The following NRXN1 variants were observed in gnomAD, a reference collection of about 807,000 sequenced individuals.
NRXN1 encodes the protein neurexin 1, also known as neurexin-1.
NRXN1 carries 39 observed loss-of-function variants against 150.9 expected under a neutral mutation model. The ratio of observed to expected loss-of-function variants is 0.26; its 90% CI spans 0.20 to 0.34. The LOEUF is 0.34. NRXN1 is among the 10% of genes least tolerant of loss of function. The pLI, the probability that NRXN1 is intolerant of heterozygous loss-of-function variation, is 1.00. For synonymous variants in NRXN1, 924 were observed against 757.0 expected (o/e 1.22, Z -3.62); for missense variants, 1,815 against 1,949.9 (o/e 0.93, Z 1.30).
intron 12 of NRXN1, among the ~76,000 whole-genome samples, chr2:50,508,572 T>C (rs761200162): frequency 7.2e-5 from 11 of 152,160 alleles, no homozygotes; most frequent in Non-Finnish European, 1.5e-4. Flanking sequence ...GGAACTTTTT[T>C]TTTTTGTTAG....
intron 13 of NRXN1, among the ~76,000 whole-genome samples, chr2:50,504,167 G>A (rs2092104553): frequency 8.1e-6 from 1 of 124,062 alleles, no homozygotes; most frequent in South Asian, 2.4e-4. Context: ...AAAAATAGCT[G>A]GCCCTAGACT....
chr2:50,377,527 T>A (rs2080604790), intron 17 of NRXN1, among the ~76,000 whole-genome samples: 1 of 152,184 alleles, frequency 6.6e-6, no homozygotes, highest in African/African-American at 2.4e-5. Flanking sequence ...TGATTCCATG[T>A]CTTTTTTATT....
At chr2:50,015,038 G>T (rs546606929) in intron 21 of NRXN1, among the ~76,000 whole-genome samples, 1 of 152,152 alleles carries the variant, frequency 6.6e-6, no homozygotes, top group African/African-American at 2.4e-5. Flanking sequence ...AGATTTTGTT[G>T]TATCTAACCT....
chr2:50,243,458 C>T (rs187213714), intron 17 of NRXN1, among the ~76,000 whole-genome samples: 13 of 151,652 alleles, frequency 8.6e-5, no homozygotes, highest in Admixed American at 4.6e-4. Context: ...TTAAAAAATA[C>T]GTTGTTGACT....
At chr2:50,909,955 G>A (rs1202107968) in intron 5 of NRXN1, among the ~76,000 whole-genome samples, 1 of 151,152 alleles carries the variant, frequency 6.6e-6, no homozygotes, top group Non-Finnish European at 1.5e-5. Flanking sequence ...TTGTTACTTA[G>A]AGGCAAAAAT....
intron 15 of NRXN1, 118 bp from the exon 16 acceptor site, chr2:50,472,589 T>A: frequency 2.8e-6 from 2 of 721,260 alleles, no homozygotes; most frequent in African/African-American, 1.9e-5. Flanking sequence ...AAAATTAATT[T>A]ATGACTAGCT....
At chr2:50,565,642 G>GA (rs1558945510) in intron 8 of NRXN1, among the ~76,000 whole-genome samples, 1 of 152,020 alleles carries the variant, frequency 6.6e-6, no homozygotes, top group Non-Finnish European at 1.5e-5. Context: ...AAAAACAATG[G>GA]AAAATATTTT....
chr2:49,922,023 A>G lies in NRXN1; in HGVS notation c.4445T>C (p.Val1482Ala), dbSNP rs777685794. The G allele has an allele frequency of 5.0e-6, 8 of 1,613,966 alleles. No individual in the cohort carries two copies. The highest frequency in any genetic ancestry group is 2.2e-5 in the South Asian group (2 of 91,086). Reference protein sequence around the residue: ...ISNSAQSNGAVVKEKQPSSAK... With the variant: ...ISNSAQSNGAAVKEKQPSSAK... ...ACTGCTGGGTTGTTTCTCCTTTACAACAGCCCCATTGGACTGTGCTGAGTT... is the reference window on the plus strand; with the variant it reads ...ACTGCTGGGTTGTTTCTCCTTTACAGCAGCCCCATTGGACTGTGCTGAGTT... Residue 1482 changes from valine to alanine, a missense_variant, in exon 23 of 23, where the codon GTT becomes GCT. By Grantham distance (64) the Val-to-Ala change is moderately conservative (BLOSUM62 0). Coordinates refer to ENST00000401669, the MANE Select transcript of NRXN1 (RefSeq NM_001330078.2).
chr2:50,808,491 C>G (rs1667804807), intron 5 of NRXN1, among the ~76,000 whole-genome samples: 1 of 151,636 alleles, frequency 6.6e-6, no homozygotes, highest in Non-Finnish European at 1.5e-5. Flanking sequence ...AAAAGAGAAA[C>G]TAACATAAGT....
chr2:50,729,217 A>C (rs1233305670), intron 5 of NRXN1, among the ~76,000 whole-genome samples: 2 of 152,194 alleles, frequency 1.3e-5, no homozygotes, highest in East Asian at 3.8e-4. Context: ...AAATTCTCTA[A>C]GAACTGGATG....
chr2:50,037,606 T>G (rs1250678693), intron 21 of NRXN1, among the ~76,000 whole-genome samples: 1 of 152,240 alleles, frequency 6.6e-6, no homozygotes, highest in African/African-American at 2.4e-5. Context: ...TTGTGCTGGC[T>G]TACCACATCA....
intron 17 of NRXN1, among the ~76,000 whole-genome samples, chr2:50,335,492 A>C (rs1347233175): frequency 6.6e-6 from 1 of 152,156 alleles, no homozygotes; most frequent in Non-Finnish European, 1.5e-5. Context: ...CATTTTCCTA[A>C]GTTTTTCCTC....
chr2:50,277,694 G>A (rs971254560), intron 17 of NRXN1, among the ~76,000 whole-genome samples: 2 of 152,028 alleles, frequency 1.3e-5, no homozygotes, highest in Non-Finnish European at 2.9e-5. Flanking sequence ...TAGCTGGACT[G>A]CTTTGGTAGC....
chr2:50,851,235 G>A (rs979575587), intron 5 of NRXN1, among the ~76,000 whole-genome samples: 1 of 152,040 alleles, frequency 6.6e-6, no homozygotes, highest in Admixed American at 6.5e-5. Context: ...CAAAAGTGGG[G>A]GTGAGGGTGA....
intron 9 of NRXN1, among the ~76,000 whole-genome samples, chr2:50,549,586 C>CAAA (rs1301185945): frequency 6.6e-6 from 1 of 152,088 alleles, no homozygotes; most frequent in Non-Finnish European, 1.5e-5. Context: ...AACAACACTT[C>CAAA]CTTAGAACGT....
intron 17 of NRXN1, among the ~76,000 whole-genome samples, chr2:50,257,637 G>T (rs892336372): frequency 6.6e-6 from 1 of 151,918 alleles, no homozygotes. Flanking sequence ...GTGCCAACGA[G>T]TAATTTTTTC....
chr2:50,737,620 A>C (rs1490540618), intron 5 of NRXN1, among the ~76,000 whole-genome samples: 1 of 152,024 alleles, frequency 6.6e-6, no homozygotes, highest in African/African-American at 2.4e-5. Flanking sequence ...GAGGTCATGA[A>C]TTTTTTTTAA....
At chr2:50,421,601 G>T (rs1456350956) in intron 17 of NRXN1, among the ~76,000 whole-genome samples, 1 of 152,084 alleles carries the variant, frequency 6.6e-6, no homozygotes, top group African/African-American at 2.4e-5. Flanking sequence ...TTCACAAGAT[G>T]AATATAATTA....
rs1670472537 is a variant in NRXN1 at position 51,026,386 on chromosome 2, T to C, written c.772+1116A>G. ...ACTCACTCACTTTCTGTTAGAGGCT[T>C]TGCTGTATTTATACAACAGTATTTT... On this transcript the variant is annotated intron_variant, in intron 2 of 22. Transcript: ENST00000401669. 6.3e-7 allele frequency: 1 copy of C among 1,593,640 alleles called. No homozygotes were observed. Among genetic ancestry groups the C allele is most frequent in the Non-Finnish European group, 8.6e-7 (1 of 1,167,612 alleles).
Sources: gnomAD v4.1 joint callset for allele counts (sites outside exome capture counted in the v4.1 genomes callset) on GRCh38, gnomAD v4.1.1 for gene constraint, MANE v1.5 for transcripts, NCBI Gene and HGNC (gene_info 2026-07-23, HGNC 2026-07-21) for gene names.